RARB: variants seen among roughly 807,000 people sequenced by gnomAD.
The protein encoded by RARB is HBV-activated protein.
In RARB, 17 loss-of-function variants were observed where a neutral mutation model predicts 51.9. That is an observed-to-expected ratio of 0.33 (90% CI 0.22 to 0.49). The LOEUF (loss-of-function observed/expected upper bound fraction) is 0.49, where lower values mean the gene tolerates loss of function less well. Ranked by LOEUF, RARB falls within the 20% of genes least tolerant of loss-of-function variation. The pLI, the probability that RARB is intolerant of heterozygous loss-of-function variation, is 0.99. For synonymous variants in RARB, 215 were observed against 195.4 expected, an observed-to-expected ratio of 1.10 and a Z score of -0.84; for missense variants, 369 against 550.8, an observed-to-expected ratio of 0.67 and a Z score of 3.30.
At chr3:25,299,129 T>G (rs1201748928) in intron 5 of RARB, among the ~76,000 whole-genome samples, 3 of 152,022 alleles carry the variant, frequency 2.0e-5, no homozygotes, top group Non-Finnish European at 4.4e-5. Flanking sequence ...AGTTTGGGGG[T>G]TTTATAATAA....
intron 1 of RARB, among the ~76,000 whole-genome samples, chr3:24,832,280 C>T (rs1702292426): frequency 6.6e-6 from 1 of 151,974 alleles, no homozygotes; most frequent in Non-Finnish European, 1.5e-5. Context: ...ATTGAATATC[C>T]CTTTTCCTTC....
At chr3:25,400,872 AAAATAT>A (rs1707245113) in intron 5 of RARB, among the ~76,000 whole-genome samples, 2 of 151,724 alleles carry the variant, frequency 1.3e-5, no homozygotes, top group South Asian at 4.1e-4. Flanking sequence ...AATATAAAAT[AAAATAT>A]AAATATAAAA....
In RARB at chr3:25,292,425, T is replaced by TCTCTCAAAGCTCCC. The variant is rs550202476; in HGVS notation, c.178+117859_178+117860insCTCCCCTCTCAAAG. Among the ~76,000 whole-genome samples, 22 of 152,262 alleles carry TCTCTCAAAGCTCCC rather than the reference T, an allele frequency of 1.4e-4. No individual in the cohort carries two copies. The East Asian group carries it at 4.2e-3, about 29-fold the overall frequency. ...ATGTCACTAAGTGAATGGTGAGCTTTCTCTCAAAGAGGGGAGCCAAATGCT... is the reference window on the plus strand; with the variant it reads ...ATGTCACTAAGTGAATGGTGAGCTTTCTCTCAAAGCTCCCCTCTCAAAGAGGGGAGCCAAATGCT... On this transcript the variant is annotated intron_variant, in intron 5 of 11. Coordinates refer to the RARB transcript ENST00000383772.
At chr3:24,973,081 A>C in intron 2 of RARB, among the ~76,000 whole-genome samples, 1 of 151,916 alleles carries the variant, frequency 6.6e-6, no homozygotes, top group East Asian at 1.9e-4. Context: ...TTTCCCCAAA[A>C]GTTTCTTCTA....
At chr3:25,525,276 C>T (rs758892252) in intron 3 of RARB, among the ~76,000 whole-genome samples, 9 of 152,086 alleles carry the variant, frequency 5.9e-5, no homozygotes, top group Non-Finnish European at 1.0e-4. Flanking sequence ...ACAAGACAGG[C>T]AGAATGAAAG....
chr3:25,583,520 G>A (rs898162750), intron 5 of RARB, among the ~76,000 whole-genome samples: 3 of 152,228 alleles, frequency 2.0e-5, no homozygotes, highest in Non-Finnish European at 4.4e-5. Flanking sequence ...CGCCTGCCAG[G>A]GCTGGCACTT....
chr3:25,509,545 G>C lies in RARB; in HGVS notation c.448+8222G>C, dbSNP rs1042742304. ...ATTATGTCACAGCCTTAAAAATAAAGTTTGCAAGCATGGTTTCTAAAATAA... is the reference window on the plus strand; with the variant it reads ...ATTATGTCACAGCCTTAAAAATAAACTTTGCAAGCATGGTTTCTAAAATAA... On this transcript the variant is annotated intron_variant, in intron 3 of 7. Transcript: ENST00000330688. 3.3e-5 allele frequency among the ~76,000 whole-genome samples: 5 copies of C among 152,366 alleles called. No individual in the cohort carries two copies. In the East Asian group the frequency reaches 9.6e-4, roughly 29 times the overall value.
intron 2 of RARB, among the ~76,000 whole-genome samples, chr3:25,465,869 A>T (rs899305446): frequency 7.9e-5 from 12 of 152,236 alleles, no homozygotes; most frequent in Non-Finnish European, 1.6e-4. Flanking sequence ...TGTCTTTGGA[A>T]AACAGTCTTA....
At chr3:25,369,462 C>A (rs1444115111) in intron 5 of RARB, among the ~76,000 whole-genome samples, 3 of 152,076 alleles carry the variant, frequency 2.0e-5, no homozygotes, top group African/African-American at 7.2e-5. Flanking sequence ...GTGGATAAGT[C>A]AATGAAAAAA....
At chr3:25,020,130 A>C (rs1575121857) in intron 2 of RARB, 2 of 37,332 alleles carry the variant, frequency 5.4e-5, no homozygotes, top group African/African-American at 5.6e-4. Flanking sequence ...TATTATTATT[A>C]TTATTATTAT....
intron 4 of RARB, among the ~76,000 whole-genome samples, chr3:25,573,925 C>T (rs543591538): frequency 2.3e-4 from 35 of 152,244 alleles, no homozygotes; most frequent in Admixed American, 5.2e-4. Flanking sequence ...CTGGAAGAGG[C>T]AGAAACATAT....
chr3:25,206,774 C>A (rs1181133943), intron 5 of RARB, among the ~76,000 whole-genome samples: 1 of 152,136 alleles, frequency 6.6e-6, no homozygotes, highest in South Asian at 2.1e-4. Flanking sequence ...CTTATTCATG[C>A]CCGATAGCTT....
chr3:25,476,094 GTA>G (rs1214308721), intron 2 of RARB, among the ~76,000 whole-genome samples: 1 of 152,114 alleles, frequency 6.6e-6, no homozygotes, highest in Admixed American at 6.6e-5. Flanking sequence ...ACTTGCACTG[GTA>G]TCTTTCTACT....
intron 5 of RARB, among the ~76,000 whole-genome samples, chr3:25,303,678 T>C (rs920210562): frequency 6.6e-6 from 1 of 152,220 alleles, no homozygotes. Context: ...ATAAATGTGT[T>C]ATTTAGTTGC....
intron 2 of RARB, among the ~76,000 whole-genome samples, chr3:24,913,225 C>G (rs566706332): frequency 3.3e-5 from 5 of 151,438 alleles, no homozygotes; most frequent in African/African-American, 9.8e-5. Context: ...ACCTCCTGAT[C>G]TGCCCACCTT....
chr3:25,443,376 T>G (rs1237715514), intron 1 of RARB, among the ~76,000 whole-genome samples: 1 of 152,094 alleles, frequency 6.6e-6, no homozygotes, highest in Admixed American at 6.5e-5. Flanking sequence ...TGGTACTTCC[T>G]GTTAGCCAGG....
chr3:25,065,429 A>C (rs1241572500), intron 3 of RARB, among the ~76,000 whole-genome samples: 1 of 152,204 alleles, frequency 6.6e-6, no homozygotes, highest in Non-Finnish European at 1.5e-5. Context: ...TTAGTAGAAT[A>C]AATGAATCTT....
intron 2 of RARB, among the ~76,000 whole-genome samples, chr3:24,972,227 G>A (rs755853765): frequency 1.4e-4 from 22 of 151,890 alleles, no homozygotes; most frequent in African/African-American, 2.9e-4. Flanking sequence ...CCACATATGA[G>A]TGAGAACATG....
At chr3:25,193,878 A>G (rs1701163518) in intron 5 of RARB, among the ~76,000 whole-genome samples, 2 of 143,294 alleles carry the variant, frequency 1.4e-5, no homozygotes, top group South Asian at 4.7e-4. Context: ...AATATATACC[A>G]ATAAATATTC....
Sources: allele counts gnomAD v4.1 joint callset (sites outside exome capture counted in the v4.1 genomes callset), GRCh38; gene constraint gnomAD v4.1.1; transcripts MANE v1.5; gene names NCBI Gene and HGNC (gene_info 2026-07-23, HGNC 2026-07-21).